Variants in CAMKMT observed in about 807,000 individuals in gnomAD.
CAMKMT encodes CaM KMT.
Under a neutral mutation model 48.0 loss-of-function variants are expected in CAMKMT, and 53 were observed. The observed-to-expected ratio is 1.10, with a 90% confidence interval of 0.89 to 1.39. The LOEUF (loss-of-function observed/expected upper bound fraction) is 1.39. Ranked by LOEUF, CAMKMT falls within the 40% of genes most tolerant of loss-of-function variation. The pLI is 0.00. For missense variants in CAMKMT, 428 were observed against 402.7 expected, an observed-to-expected ratio of 1.06 and a Z score of -0.54; for synonymous variants, 165 against 152.3, an observed-to-expected ratio of 1.08 and a Z score of -0.61.
At chr2:44,419,480 G>C (rs1246353254) in intron 3 of CAMKMT, among the ~76,000 whole-genome samples, 1 of 152,240 alleles carries the variant, frequency 6.6e-6, no homozygotes, top group African/African-American at 2.4e-5. Flanking sequence ...GCAGCAGTGA[G>C]CCAAAGGATG....
chr2:44,593,081 G>A (rs1281089647), intron 3 of CAMKMT, among the ~76,000 whole-genome samples: 1 of 152,122 alleles, frequency 6.6e-6, no homozygotes, highest in Non-Finnish European at 1.5e-5. Flanking sequence ...GTGTTACTGG[G>A]AAACAGCTTG....
At chr2:44,394,011 A>G (rs1681592366) in intron 3 of CAMKMT, among the ~76,000 whole-genome samples, 1 of 152,210 alleles carries the variant, frequency 6.6e-6, no homozygotes, top group Non-Finnish European at 1.5e-5. Flanking sequence ...TGTTTATAAC[A>G]TCTCATCTTA....
At chr2:44,541,280 G>A (rs1667090528) in intron 3 of CAMKMT, among the ~76,000 whole-genome samples, 1 of 152,084 alleles carries the variant, frequency 6.6e-6, no homozygotes, top group African/African-American at 2.4e-5. Context: ...TTATAAATTA[G>A]CTTAGAGAGA....
At chr2:44,509,610 T>C in intron 3 of CAMKMT, among the ~76,000 whole-genome samples, 1 of 152,258 alleles carries the variant, frequency 6.6e-6, no homozygotes, top group East Asian at 1.9e-4. Context: ...CTGCTGTGGT[T>C]TGAGTATGTC....
At chr2:44,640,137 T>C (rs1673368317) in intron 3 of CAMKMT, among the ~76,000 whole-genome samples, 1 of 152,218 alleles carries the variant, frequency 6.6e-6, no homozygotes, top group Non-Finnish European at 1.5e-5. Flanking sequence ...TATTTTACTA[T>C]TGATGTGTCA....
chr2:44,417,435 A>G (rs1393834360), intron 3 of CAMKMT, among the ~76,000 whole-genome samples: 4 of 152,128 alleles, frequency 2.6e-5, no homozygotes, highest in African/African-American at 7.2e-5. Context: ...TATGCCCACA[A>G]TTCATTTATG....
At chr2:44,539,542 T>C (rs919666383) in intron 3 of CAMKMT, among the ~76,000 whole-genome samples, 7 of 152,190 alleles carry the variant, frequency 4.6e-5, no homozygotes, top group Admixed American at 6.5e-5. Context: ...TATTCAGATT[T>C]CATCAATTGC....
chr2:44,771,387 T>C (rs572103937), intron 10 of CAMKMT, among the ~76,000 whole-genome samples: 1 of 152,284 alleles, frequency 6.6e-6, no homozygotes, highest in Admixed American at 6.5e-5. Flanking sequence ...AAAGTGTACT[T>C]CATATGTGAG....
chr2:44,760,731 T>C (rs1680584276), intron 9 of CAMKMT, among the ~76,000 whole-genome samples: 1 of 151,992 alleles, frequency 6.6e-6, no homozygotes, highest in Admixed American at 6.6e-5. Flanking sequence ...TGGTCAGGTG[T>C]ACCTTCTAGA....
chr2:44,589,560 G>C (rs1670128310), intron 3 of CAMKMT, among the ~76,000 whole-genome samples: 1 of 73,358 alleles, frequency 1.4e-5, no homozygotes, highest in Non-Finnish European at 2.9e-5. Flanking sequence ...TTCTGCCTTG[G>C]GATCCTGTTG....
chr2:44,740,448 C>T (rs1679614717), intron 7 of CAMKMT, among the ~76,000 whole-genome samples: 1 of 152,062 alleles, frequency 6.6e-6, no homozygotes, highest in South Asian at 2.1e-4. Flanking sequence ...GCAATTTTGA[C>T]AGTAAAGCAA....
chr2:44,372,325 A>T (rs1679256389), intron 1 of CAMKMT, among the ~76,000 whole-genome samples: 1 of 152,134 alleles, frequency 6.6e-6, no homozygotes, highest in African/African-American at 2.4e-5. Context: ...CTCTACAAAA[A>T]ATTTAAAAAA....
At chr2:44,697,429 A>G (rs1677016635) in intron 3 of CAMKMT, among the ~76,000 whole-genome samples, 1 of 152,064 alleles carries the variant, frequency 6.6e-6, no homozygotes. Flanking sequence ...GTTAGAAGAT[A>G]CCAGGAGAGA....
At chr2:44,396,984 A>G (rs1015843861) in intron 3 of CAMKMT, among the ~76,000 whole-genome samples, 3 of 150,764 alleles carry the variant, frequency 2.0e-5, no homozygotes, top group African/African-American at 7.3e-5. Context: ...GCTTGAACCC[A>G]GGAGGCGAAG....
chr2:44,539,886 T>C (rs976655817), intron 3 of CAMKMT, among the ~76,000 whole-genome samples: 5 of 152,156 alleles, frequency 3.3e-5, no homozygotes, highest in South Asian at 2.1e-4. Context: ...CTGTGATCAA[T>C]TGGTGATGAC....
intron 3 of CAMKMT, among the ~76,000 whole-genome samples, chr2:44,697,214 A>G (rs73924528): frequency 0.055 from 8,357 of 152,092 alleles, 723 homozygotes; most frequent in African/African-American, 0.19. Context: ...TTAAACATTT[A>G]CCTCTCCTAC....
At chr2:44,641,327 A>G (rs1474154380) in intron 3 of CAMKMT, among the ~76,000 whole-genome samples, 3 of 152,164 alleles carry the variant, frequency 2.0e-5, no homozygotes, top group African/African-American at 7.2e-5. Flanking sequence ...AAAGAATTAT[A>G]GAGAAAGACG....
intron 3 of CAMKMT, among the ~76,000 whole-genome samples, chr2:44,580,426 G>A (rs1332321112): frequency 6.6e-6 from 1 of 151,940 alleles, no homozygotes; most frequent in Non-Finnish European, 1.5e-5. Flanking sequence ...AAGAAAGAAG[G>A]AAAAACCATG....
At chr2:44,566,899 C>A (rs765280765) in intron 3 of CAMKMT, among the ~76,000 whole-genome samples, 8 of 152,056 alleles carry the variant, frequency 5.3e-5, no homozygotes, top group Non-Finnish European at 1.0e-4. Flanking sequence ...TGTGTTTTTG[C>A]GGAGTTGGGC....
Sources: gnomAD v4.1 joint callset for allele counts (sites outside exome capture counted in the v4.1 genomes callset) on GRCh38, gnomAD v4.1.1 for gene constraint, MANE v1.5 for transcripts, NCBI Gene and HGNC (gene_info 2026-07-23, HGNC 2026-07-21) for gene names.